MAP3K3: variants seen among roughly 807,000 people sequenced by gnomAD.
MAP3K3 encodes the protein mitogen-activated protein kinase kinase kinase 3, also known as MAP/ERK kinase kinase 3.
In MAP3K3, 12 loss-of-function variants were observed where a neutral mutation model predicts 80.9. That is an observed-to-expected ratio of 0.15 (90% CI 0.10 to 0.24). The LOEUF is 0.24. MAP3K3 is among the 10% of genes least tolerant of loss of function. The pLI, the probability that MAP3K3 is intolerant of heterozygous loss-of-function variation, is 1.00. For missense variants in MAP3K3, 596 were observed against 834.7 expected (o/e 0.71, Z 3.52); for synonymous variants, 272 against 307.1 (o/e 0.89, Z 1.19).
intron 2 of MAP3K3, among the ~76,000 whole-genome samples, chr17:63,633,834 G>C (rs1350026474): frequency 6.6e-6 from 1 of 152,102 alleles, no homozygotes; most frequent in Non-Finnish European, 1.5e-5. Context: ...CTCCCTTTTG[G>C]TTCTGTTTGT....
At chr17:63,629,572 A>C (rs983480978) in intron 1 of MAP3K3, among the ~76,000 whole-genome samples, 2 of 138,424 alleles carry the variant, frequency 1.4e-5, no homozygotes, top group African/African-American at 5.6e-5. Context: ...TTAGAAGGAA[A>C]AAAAACAAAA....
In MAP3K3 at chr17:63,692,784, T is replaced by C. The variant is rs1266757879; in HGVS notation, c.1652+365T>C. ...TGCACTTGCTCGACATAACCTTGTG[T>C]CTATCCTCTGAAATGGCCCCTAAGT... On this transcript the variant is annotated intron_variant, in intron 15 of 15. Transcript: ENST00000361733. The surrounding 1 kb of genome is among the most constrained non-coding windows in gnomAD (Gnocchi z 4.5). 2.0e-5 allele frequency among the ~76,000 whole-genome samples: 3 copies of C among 152,210 alleles called. No homozygotes were observed. The South Asian group carries it at 6.2e-4, about 32-fold the overall frequency.
In MAP3K3 at chr17:63,694,851, C is replaced by G. The variant is rs1427487455; in HGVS notation, c.*1074C>G. ...GTCCAAAACCGCCAGCTCTGTTCTT[C>G]CTCAGCCAGCCTCGCCCATCCCCTT... On this transcript the variant is annotated 3_prime_UTR_variant, in exon 16 of 16. Transcript: ENST00000361733. 1 of 153,258 alleles carries G rather than the reference C, an allele frequency of 6.5e-6. No individual in the cohort carries two copies. Among genetic ancestry groups the G allele is most frequent in the Non-Finnish European group, 1.5e-5 (1 of 68,640 alleles). 9.5% of individuals were successfully genotyped at this position (153,258 alleles called of 1,614,324 possible). A position where few individuals can be genotyped will look rare whatever the true frequency, so the allele number is the denominator to read the frequency against.
rs367877534 is a variant in MAP3K3 at position 63,689,499 on chromosome 17, G to A, written c.872-45G>A. 1 of 1,560,092 alleles carries A rather than the reference G, an allele frequency of 6.4e-7. No individual in the cohort carries two copies. The highest frequency in any genetic ancestry group is 8.7e-7 in the Non-Finnish European group (1 of 1,144,564). On this transcript the variant is annotated intron_variant, in intron 10 of 15. Transcript: ENST00000361733. The surrounding 1 kb of genome is among the most constrained non-coding windows in gnomAD (Gnocchi z 4.3). ...CCTGGTTTGTACGTTCCGCCTCGTA[G>A]CCTGGGGTGTGACTTGCTCTCCTCT...
At chr17:63,679,405 C>T (rs1481511304) in intron 6 of MAP3K3, among the ~76,000 whole-genome samples, 1 of 152,188 alleles carries the variant, frequency 6.6e-6, no homozygotes, top group African/African-American at 2.4e-5. Flanking sequence ...CTTGAGCACC[C>T]TCTGCTGTAG....
intron 1 of MAP3K3, 105 bp from the exon 2 acceptor site, chr17:63,632,576 A>G: frequency 7.4e-7 from 1 of 1,349,412 alleles, no homozygotes; most frequent in Admixed American, 1.9e-5. Flanking sequence ...AGGGTCTGTC[A>G]TTTTACCTGG....
At position 63,689,731 on chromosome 17, in the gene MAP3K3, C is replaced by G. The variant is rs376726883; in HGVS notation, c.1059C>G (p.Thr353=). ...ALSVQERNVP[T]KSPSAPINWR... ...CTGTGCAGGAGAGGAATGTGCCAAC[C>G]AAGTGTGAGGAGCTGTCCCTGGCTA... The change falls in exon 11 of 16, where the codon ACC becomes ACG. Residue 353 remains threonine, a synonymous_variant. Coordinates refer to ENST00000361733, the MANE Select transcript of MAP3K3 (RefSeq NM_002401.5). This position sits in a 1 kb window ranked among gnomAD's most constrained non-coding sequence, Gnocchi z 4.3. The G allele has an allele frequency of 2.2e-5, 35 of 1,611,262 alleles. No individual in the cohort carries two copies. Among genetic ancestry groups the G allele is most frequent in the Non-Finnish European group, 2.8e-5 (33 of 1,178,322 alleles).
intron 2 of MAP3K3, chr17:63,634,825 A>C: frequency 3.1e-6 from 5 of 1,588,038 alleles, no homozygotes; most frequent in Non-Finnish European, 4.3e-6. Context: ...TTACCTGTTA[A>C]AGCCAAAATG....
intron 4 of MAP3K3, among the ~76,000 whole-genome samples, chr17:63,653,215 A>G (rs1012598284): frequency 3.3e-5 from 5 of 152,228 alleles, no homozygotes; most frequent in African/African-American, 9.6e-5. Flanking sequence ...AATATCACCC[A>G]GGAAGGAATT....
Position 63,694,271 on chromosome 17 carries a change from T to C in MAP3K3, c.*494T>C, listed in dbSNP as rs111454356. On this transcript the variant is annotated 3_prime_UTR_variant, in exon 16 of 16. Coordinates refer to ENST00000361733, the MANE Select transcript of MAP3K3 (RefSeq NM_002401.5). ...GGGAAAGGCCAGCACTCGCTAGCAG[T>C]GGCAGGCAGAGGCCCAGGCTGCCGT... 1,900 of 153,254 alleles carry C rather than the reference T, an allele frequency of 0.012. 24 individuals are homozygous for C. The highest frequency in any genetic ancestry group is 0.061 in the Middle Eastern group (18 of 294). The allele number at this position is 153,254 out of a possible 1,614,324, so 9.5% of individuals were successfully genotyped here. A position where few individuals can be genotyped will look rare whatever the true frequency, so the allele number is the denominator to read the frequency against.
chr17:63,623,102 G>C (rs1438503907), intron 1 of MAP3K3, among the ~76,000 whole-genome samples: 1 of 152,022 alleles, frequency 6.6e-6, no homozygotes, highest in Admixed American at 6.5e-5. Flanking sequence ...GCCCGAGGGC[G>C]GGGGAGCAAG....
chr17:63,656,370 A>G (rs1258747887), intron 4 of MAP3K3, among the ~76,000 whole-genome samples: 1 of 151,818 alleles, frequency 6.6e-6, no homozygotes, highest in Non-Finnish European at 1.5e-5. Flanking sequence ...TGGTAGGCTG[A>G]GGTGGGCAGA....
chr17:63,691,529 C>G lies in MAP3K3; in HGVS notation c.1345-204C>G, dbSNP rs2035590727. ...CTGGAGCAGAGAGGCCTCCCTGCTC[C>G]TGGATTTGGGTGGCGCTCTGCTTGA... On this transcript the variant is annotated intron_variant, in intron 13 of 15. Coordinates refer to ENST00000361733, the MANE Select transcript of MAP3K3 (RefSeq NM_002401.5). The surrounding 1 kb of genome is among the most constrained non-coding windows in gnomAD (Gnocchi z 4.8). Among the ~76,000 whole-genome samples the G allele has an allele frequency of 6.6e-6, 1 of 152,182 alleles. No homozygotes were observed. Among genetic ancestry groups the G allele is most frequent in the African/African-American group, 2.4e-5 (1 of 41,448 alleles).
rs1448315905 is a variant in MAP3K3 at position 63,692,642 on chromosome 17, C to T, written c.1652+223C>T. Among the ~76,000 whole-genome samples, 1 of 152,230 alleles carries T rather than the reference C, an allele frequency of 6.6e-6. No homozygotes were observed. Among genetic ancestry groups the T allele is most frequent in the African/African-American group, 2.4e-5 (1 of 41,458 alleles). On this transcript the variant is annotated intron_variant, in intron 15 of 15. Coordinates refer to ENST00000361733, the MANE Select transcript of MAP3K3 (RefSeq NM_002401.5). The surrounding 1 kb of genome is among the most constrained non-coding windows in gnomAD (Gnocchi z 4.5). ...TGGGAACTTAGGCCATGGAAAACAT[C>T]CCTCATGTTTGCTAAATCTCTTAAG...
chr17:63,690,482 T>G, intron 12 of MAP3K3, 70 bp downstream of exon 12: 1 of 1,529,310 alleles, frequency 6.5e-7, no homozygotes, highest in Non-Finnish European at 8.9e-7. Context: ...CCACACAGAG[T>G]AGTTGCCTGA....
intron 1 of MAP3K3, 146 bp downstream of exon 1, chr17:63,622,909 C>CCGG (rs1852067206): frequency 8.2e-5 from 12 of 146,500 alleles, no homozygotes; most frequent in African/African-American, 3.0e-4. Context: ...CGGCCGGCCG[C>CCGG]CCGCCCCGCT....
chr17:63,649,270 C>G (rs549464059), intron 3 of MAP3K3, among the ~76,000 whole-genome samples: 38 of 152,140 alleles, frequency 2.5e-4, no homozygotes, highest in African/African-American at 8.9e-4. Flanking sequence ...AACCCTGTCT[C>G]TACTAAAAAT....
At position 63,657,840 on chromosome 17, in the gene MAP3K3, A is replaced by G. The variant is rs777548849; in HGVS notation, c.314A>G (p.Asp105Gly). 6 of 1,609,192 alleles carry G rather than the reference A, an allele frequency of 3.7e-6. No homozygotes were observed. Among genetic ancestry groups the G allele is most frequent in the Middle Eastern group, 1.7e-4 (1 of 6,046 alleles). The change falls in exon 5 of 16, where the codon GAC becomes GGC. Residue 105 changes from aspartate (D) to glycine (G), a missense_variant. Asp to Gly is a moderately conservative substitution (Grantham distance 94). Transcript: ENST00000361733. ...KNQDDLDKAI[D>G]ILDRSSSMKS... ...CAAGATGATCTTGATAAAGCAATTG[A>G]CATTTTAGATAGAAGCTCAAGCATG...
intron 1 of MAP3K3, among the ~76,000 whole-genome samples, chr17:63,629,687 A>G (rs892822524): frequency 3.3e-5 from 5 of 152,242 alleles, no homozygotes. Flanking sequence ...GTCTACCTCT[A>G]GGAATGTATT....
Sources: allele counts gnomAD v4.1 joint callset (sites outside exome capture counted in the v4.1 genomes callset), GRCh38; gene constraint gnomAD v4.1.1; non-coding constraint Gnocchi (gnomAD v3.1); transcripts MANE v1.5; gene names NCBI Gene and HGNC (gene_info 2026-07-23, HGNC 2026-07-21).